The following PTPRN2 variants were observed in gnomAD, a reference collection of about 807,000 sequenced individuals.
The protein encoded by PTPRN2 is protein tyrosine phosphatase receptor type N2, also known as receptor-type tyrosine-protein phosphatase N2.
A neutral mutation model predicts 118.8 loss-of-function variants in PTPRN2; 74 were observed. The ratio of observed to expected loss-of-function variants is 0.62; its 90% CI spans 0.52 to 0.76. The LOEUF (loss-of-function observed/expected upper bound fraction) is 0.76, where lower values mean the gene tolerates loss of function less well. Ranked by LOEUF, PTPRN2 falls within the 30% of genes least tolerant of loss-of-function variation. The pLI is 0.00. For missense variants in PTPRN2, 1,481 were observed against 1,394.4 expected, an observed-to-expected ratio of 1.06 and a Z score of -0.99; for synonymous variants, 641 against 608.0, an observed-to-expected ratio of 1.05 and a Z score of -0.80.
At chr7:158,559,158 T>A (rs1827223665) in intron 1 of PTPRN2, among the ~76,000 whole-genome samples, 2 of 152,260 alleles carry the variant, frequency 1.3e-5, no homozygotes, top group Non-Finnish European at 2.9e-5. Flanking sequence ...TCTCATGTTT[T>A]CTTTGTTCTT....
At position 157,801,203 on chromosome 7, in the gene PTPRN2, C is replaced by T. The variant is rs553470006; in HGVS notation, c.1788+97470G>A. 1.4e-4 allele frequency among the ~76,000 whole-genome samples: 22 copies of T among 152,094 alleles called. No homozygotes were observed. The highest frequency in any genetic ancestry group is 6.2e-4 in the South Asian group (3 of 4,816). Reference sequence around the variant, plus strand: ...GTGCCTCTCATCTGATTCCGCTACACGGTGCAAGTTACGCCAGACCAGAAA... The same window carrying T: ...GTGCCTCTCATCTGATTCCGCTACATGGTGCAAGTTACGCCAGACCAGAAA... On this transcript the variant is annotated intron_variant, in intron 12 of 22. Transcript: ENST00000389418. The surrounding 1 kb of genome is among the most constrained non-coding windows in gnomAD (Gnocchi z 4.2).
intron 3 of PTPRN2, among the ~76,000 whole-genome samples, chr7:158,242,167 A>T (rs1215852401): frequency 6.6e-6 from 1 of 152,100 alleles, no homozygotes; most frequent in Non-Finnish European, 1.5e-5. Flanking sequence ...AAAGGAGCTG[A>T]ACCTAAAGTT....
intron 14 of PTPRN2, among the ~76,000 whole-genome samples, chr7:157,643,945 C>T (rs1035681985): frequency 1.3e-5 from 2 of 152,232 alleles, no homozygotes; most frequent in Admixed American, 6.5e-5. Flanking sequence ...CTCACCAGTG[C>T]GGGGAGACTG....
At chr7:157,870,027 G>A (rs192845925) in intron 12 of PTPRN2, among the ~76,000 whole-genome samples, 2 of 152,270 alleles carry the variant, frequency 1.3e-5, no homozygotes, top group South Asian at 2.1e-4. Context: ...TACTGGTAAA[G>A]CCATGTTTCC....
intron 11 of PTPRN2, among the ~76,000 whole-genome samples, chr7:157,932,343 T>C (rs572964767): frequency 7.2e-5 from 11 of 152,326 alleles, no homozygotes; most frequent in Non-Finnish European, 1.6e-4. Flanking sequence ...AGGCCCTGCA[T>C]ACCGACGTCA....
intron 2 of PTPRN2, among the ~76,000 whole-genome samples, chr7:158,318,508 C>T (rs1563129903): frequency 6.6e-6 from 1 of 152,184 alleles, no homozygotes; most frequent in Non-Finnish European, 1.5e-5. Flanking sequence ...AACCAAAAGC[C>T]AGGTTCCTGG....
At chr7:158,401,398 A>C (rs903022992) in intron 2 of PTPRN2, among the ~76,000 whole-genome samples, 1 of 152,256 alleles carries the variant, frequency 6.6e-6, no homozygotes, top group Admixed American at 6.5e-5. Flanking sequence ...GCTGGACCCC[A>C]AGGGAGCAGC....
chr7:158,409,730 C>G (rs1231482437), intron 2 of PTPRN2, among the ~76,000 whole-genome samples: 1 of 152,164 alleles, frequency 6.6e-6, no homozygotes, highest in African/African-American at 2.4e-5. Flanking sequence ...AGGGATCGCG[C>G]AGGCCCCCTC....
rs1358151716 is a variant in PTPRN2, at chr7:157,787,493, G to T, written c.1789-104556C>A. 1.3e-5 allele frequency among the ~76,000 whole-genome samples: 2 copies of T among 152,116 alleles called. No homozygotes were observed. Among genetic ancestry groups the T allele is most frequent in the Non-Finnish European group, 2.9e-5 (2 of 67,982 alleles). ...ACCCCAGTGGGCAGGGCGGGCAGGGGGCTTCCCCACAGTCTAGGGGGCCAG... is the reference window on the plus strand; with the variant it reads ...ACCCCAGTGGGCAGGGCGGGCAGGGTGCTTCCCCACAGTCTAGGGGGCCAG... On this transcript the variant is annotated intron_variant, in intron 12 of 22. Transcript: ENST00000389418. This position sits in a 1 kb window ranked among gnomAD's most constrained non-coding sequence, Gnocchi z 5.3.
chr7:158,109,069 G>A (rs543749684), intron 10 of PTPRN2, among the ~76,000 whole-genome samples: 164 of 151,912 alleles, frequency 1.1e-3, no homozygotes, highest in African/African-American at 3.2e-3. Flanking sequence ...GAAGGAGACC[G>A]TGAGTGAATG....
intron 5 of PTPRN2, among the ~76,000 whole-genome samples, chr7:158,188,186 CGA>C (rs1825356656): frequency 6.9e-5 from 4 of 57,960 alleles, no homozygotes; most frequent in Admixed American, 2.0e-4. Flanking sequence ...GCTCGCCCCG[CGA>C]TGGGGAAGGC....
intron 3 of PTPRN2, among the ~76,000 whole-genome samples, chr7:158,221,117 A>C (rs1017280381): frequency 2.6e-5 from 4 of 152,188 alleles, no homozygotes; most frequent in Admixed American, 2.0e-4. Flanking sequence ...GAAATGGAGA[A>C]AGGACTCCCT....
Position 157,676,530 on chromosome 7 carries a change from C to T in PTPRN2, c.2001+6195G>A, listed in dbSNP as rs764700961. Among the ~76,000 whole-genome samples, 15 of 152,182 alleles carry T rather than the reference C, an allele frequency of 9.9e-5. No individual in the cohort carries two copies. Among genetic ancestry groups the T allele is most frequent in the Non-Finnish European group, 2.1e-4 (14 of 68,022 alleles). ...AAATCTCCCACAGTGCCTCACACTA[C>T]GAGGGAAGATGGTGGAGGAGCTGTC... On this transcript the variant is annotated intron_variant, in intron 13 of 22. Coordinates refer to ENST00000389418, the MANE Select transcript of PTPRN2 (RefSeq NM_002847.5). This position sits in a 1 kb window ranked among gnomAD's most constrained non-coding sequence, Gnocchi z 5.6.
intron 3 of PTPRN2, among the ~76,000 whole-genome samples, chr7:158,246,688 C>T (rs1271309906): frequency 1.3e-5 from 2 of 151,962 alleles, no homozygotes; most frequent in East Asian, 1.9e-4. Context: ...CTAATTCAAC[C>T]TTACAGAGCT....
At chr7:158,192,623 G>C in intron 4 of PTPRN2, 128 bp from the exon 5 acceptor site, 1 of 1,064,204 alleles carries the variant, frequency 9.4e-7, no homozygotes, top group South Asian at 1.6e-5. Context: ...GCCTGGCCTT[G>C]CTGCTCCATG....
chr7:158,354,510 A>T (rs537354761), intron 2 of PTPRN2, among the ~76,000 whole-genome samples: 3 of 152,316 alleles, frequency 2.0e-5, no homozygotes, highest in South Asian at 2.1e-4. Flanking sequence ...AATAATTTTT[A>T]AAAATCAGAC....
intron 12 of PTPRN2, among the ~76,000 whole-genome samples, chr7:157,774,403 C>T (rs1053669562): frequency 3.3e-5 from 5 of 152,188 alleles, no homozygotes; most frequent in Admixed American, 6.5e-5. Flanking sequence ...GCCTGTCAAG[C>T]CTGGTGAATC....
intron 12 of PTPRN2, among the ~76,000 whole-genome samples, chr7:157,738,638 T>G (rs1282304607): frequency 1.3e-5 from 2 of 152,260 alleles, no homozygotes; most frequent in Non-Finnish European, 2.9e-5. Context: ...TTTGACATTT[T>G]AGGCATTGAA....
chr7:157,876,654 C>A lies in PTPRN2; in HGVS notation c.1788+22019G>T, dbSNP rs138236662. Reference sequence around the variant, plus strand: ...GTGGCCTTGGGAAGACCAGCGCCCCCACGTGGGGCTGGGAGAGGCCGCACT... The same window carrying A: ...GTGGCCTTGGGAAGACCAGCGCCCCAACGTGGGGCTGGGAGAGGCCGCACT... On this transcript the variant is annotated intron_variant, in intron 12 of 22. Transcript: ENST00000389418. Among the ~76,000 whole-genome samples, 684 of 152,302 alleles carry A rather than the reference C, an allele frequency of 4.5e-3. 7 individuals are homozygous for A. Among genetic ancestry groups the A allele is most frequent in the African/African-American group, 0.015 (623 of 41,560 alleles).
Sources: gnomAD v4.1 joint callset for allele counts (sites outside exome capture counted in the v4.1 genomes callset) on GRCh38, gnomAD v4.1.1 for gene constraint, Gnocchi (gnomAD v3.1) non-coding constraint, MANE v1.5 for transcripts, NCBI Gene and HGNC (gene_info 2026-07-23, HGNC 2026-07-21) for gene names.